The following OGFOD3 variants were observed in gnomAD, a reference collection of about 807,000 sequenced individuals.
OGFOD3 encodes 2-oxoglutarate and iron-dependent oxygenase domain-containing protein 3.
In OGFOD3, 35 loss-of-function variants were observed where a neutral mutation model predicts 39.8. The ratio of observed to expected loss-of-function variants is 0.88; its 90% CI spans 0.67 to 1.17. The LOEUF is 1.17. Ranked by LOEUF, OGFOD3 falls within the 50% of genes most tolerant of loss-of-function variation. The probability of loss-of-function intolerance (pLI) is 0.00; values close to 1 mark genes in which losing one functional copy is unlikely to be tolerated. For missense variants in OGFOD3, 438 were observed against 454.5 expected, an observed-to-expected ratio of 0.96 and a Z score of 0.33; for synonymous variants, 200 against 192.0, an observed-to-expected ratio of 1.04 and a Z score of -0.34.
At chr17:82,418,142 T>C (rs2053102546) in intron 1 of OGFOD3, among the ~76,000 whole-genome samples, 1 of 152,208 alleles carries the variant, frequency 6.6e-6, no homozygotes, top group Non-Finnish European at 1.5e-5. Context: ...CAGCAGCTCA[T>C]CAGGCTGGGA....
chr17:82,389,488 T>G lies in OGFOD3; in HGVS notation c.*2910A>C, dbSNP rs1244650526. Reference sequence around the variant, plus strand: ...GTATTTTCCCACCTTTTTATTTTTTTAAAATGCCCAGGCTTCAATGATAAA... The same window carrying G: ...GTATTTTCCCACCTTTTTATTTTTTGAAAATGCCCAGGCTTCAATGATAAA... On this transcript the variant is annotated 3_prime_UTR_variant, in exon 9 of 9. Coordinates refer to ENST00000313056, the MANE Select transcript of OGFOD3 (RefSeq NM_024648.3). The surrounding 1 kb of genome is among the most constrained non-coding windows in gnomAD (Gnocchi z 4.6). 6.6e-6 allele frequency: 1 copy of G among 152,188 alleles called. No homozygotes were observed. The highest frequency in any genetic ancestry group is 1.5e-5 in the Non-Finnish European group (1 of 68,042). The allele number at this position is 152,188 out of a possible 1,614,324, so 9.4% of individuals were successfully genotyped here.
chr17:82,414,514 A>G (rs539923881), intron 2 of OGFOD3, among the ~76,000 whole-genome samples: 1 of 152,310 alleles, frequency 6.6e-6, no homozygotes, highest in South Asian at 2.1e-4. Flanking sequence ...TTCAAAAAAG[A>G]GTTTTGGAAA....
At chr17:82,409,191 G>C (rs890878889) in intron 4 of OGFOD3, among the ~76,000 whole-genome samples, 177 bp downstream of exon 4, 1 of 152,210 alleles carries the variant, frequency 6.6e-6, no homozygotes, top group East Asian at 1.9e-4. Context: ...AGGGGACGCC[G>C]CACGGGTTTC....
At chr17:82,395,439 G>C (rs1464119148) in intron 8 of OGFOD3, among the ~76,000 whole-genome samples, 1 of 152,214 alleles carries the variant, frequency 6.6e-6, no homozygotes, top group Non-Finnish European at 1.5e-5. Context: ...TGGACCTAAA[G>C]GTGGTCTTGG....
intron 8 of OGFOD3, among the ~76,000 whole-genome samples, chr17:82,397,782 G>C (rs114980636): frequency 1.3e-5 from 2 of 152,120 alleles, no homozygotes; most frequent in Non-Finnish European, 2.9e-5. Context: ...AGCCACCAGC[G>C]AGGAGGGCAC....
intron 3 of OGFOD3, among the ~76,000 whole-genome samples, chr17:82,409,985 A>G (rs567451432): frequency 7.9e-5 from 12 of 152,368 alleles, no homozygotes; most frequent in African/African-American, 2.9e-4. Flanking sequence ...ACCTGGGCCA[A>G]GCTCAGGAGC....
In OGFOD3 at chr17:82,406,588, C is replaced by T. The variant is rs2052859788; in HGVS notation, c.424-106G>A. On this transcript the variant is annotated intron_variant, in intron 4 of 8. Transcript: ENST00000313056. The surrounding 1 kb of genome is among the most constrained non-coding windows in gnomAD (Gnocchi z 5.2). ...TTTCCAAGGTCTGGCCAGCACACAC[C>T]TCAGGTGTTTTTTTGTTTTTGTTTT... 2 of 934,462 alleles carry T rather than the reference C, an allele frequency of 2.1e-6. No individual in the cohort carries two copies. The highest frequency in any genetic ancestry group is 2.0e-5 in the Admixed American group (1 of 50,940). 57.9% of individuals were successfully genotyped at this position (934,462 alleles called of 1,614,324 possible).
At chr17:82,412,326 AGGGGCATGGTTATC>A (rs2052961444) in intron 2 of OGFOD3, among the ~76,000 whole-genome samples, 1 of 124,134 alleles carries the variant, frequency 8.1e-6, no homozygotes, top group Non-Finnish European at 1.7e-5. Flanking sequence ...CGGTCGGGGC[AGGGGCATGGTTATC>A]GGGGCAGGGG....
In OGFOD3 at chr17:82,409,416, G is replaced by C. The variant is rs749594027; in HGVS notation, c.381-6C>G. On this transcript the variant is annotated splice_region_variant and splice_polypyrimidine_tract_variant and intron_variant, in intron 3 of 8. Transcript: ENST00000313056. Reference sequence around the variant, plus strand: ...AGAGCCCCTTTTCAGCTACGCTGCAGGGAGAAAATAATTCAGAATTTCGTT... The same window carrying C: ...AGAGCCCCTTTTCAGCTACGCTGCACGGAGAAAATAATTCAGAATTTCGTT... 1.2e-6 allele frequency: 2 copies of C among 1,613,664 alleles called. No homozygotes were observed. The highest frequency in any genetic ancestry group is 4.5e-5 in the East Asian group (2 of 44,904).
chr17:82,414,433 G>T (rs939165309), intron 2 of OGFOD3, among the ~76,000 whole-genome samples: 1 of 152,148 alleles, frequency 6.6e-6, no homozygotes, highest in Non-Finnish European at 1.5e-5. Flanking sequence ...ACTGCTCCAG[G>T]CCATTGAAAC....
intron 1 of OGFOD3, among the ~76,000 whole-genome samples, chr17:82,416,766 G>GC (rs1409950315): frequency 1.3e-5 from 2 of 152,180 alleles, no homozygotes; most frequent in African/African-American, 4.8e-5. Context: ...TGCCTCCTGG[G>GC]CTCAAGCAAT....
At chr17:82,399,403 G>A (rs752135659) in intron 7 of OGFOD3, among the ~76,000 whole-genome samples, 27 of 152,100 alleles carry the variant, frequency 1.8e-4, no homozygotes, top group Non-Finnish European at 3.1e-4. Flanking sequence ...CGGTGGACGC[G>A]CTTTTCTCCT....
chr17:82,415,707 C>A lies in OGFOD3; in HGVS notation c.75-80G>T, dbSNP rs1041902332. On this transcript the variant is annotated intron_variant, in intron 1 of 8. Transcript: ENST00000313056. This position sits in a 1 kb window ranked among gnomAD's most constrained non-coding sequence, Gnocchi z 5.3. ...CGCTCCCCGATCATCAAAGTGCATGCACCATGACCCGGCCTTCACTCACAC... is the reference window on the plus strand; with the variant it reads ...CGCTCCCCGATCATCAAAGTGCATGAACCATGACCCGGCCTTCACTCACAC... 2.4e-6 allele frequency: 3 copies of A among 1,256,590 alleles called. No individual in the cohort carries two copies. Among genetic ancestry groups the A allele is most frequent in the Non-Finnish European group, 3.3e-6 (3 of 911,120 alleles). 77.8% of individuals were successfully genotyped at this position (1,256,590 alleles called of 1,614,324 possible). A position where few individuals can be genotyped will look rare whatever the true frequency, so the allele number is the denominator to read the frequency against.
rs376762128 is a variant in OGFOD3, at chr17:82,411,433, G to C, written c.380+22C>G. 1.3e-5 allele frequency: 21 copies of C among 1,609,088 alleles called. No homozygotes were observed. In the Admixed American group the frequency reaches 3.3e-4, roughly 26 times the overall value. On this transcript the variant is annotated intron_variant, in intron 3 of 8. Coordinates refer to ENST00000313056, the MANE Select transcript of OGFOD3 (RefSeq NM_024648.3). ...CGCGTGTGTTTGTTTGAATCCCACC[G>C]TGCTCAGGGACAGGCGGTTACCTGC...
intron 8 of OGFOD3, among the ~76,000 whole-genome samples, chr17:82,394,968 CT>C (rs2143184459): frequency 6.6e-6 from 1 of 152,350 alleles, no homozygotes; most frequent in Non-Finnish European, 1.5e-5. Flanking sequence ...CAGTGGGAAG[CT>C]CACACCTGGT....
At position 82,402,747 on chromosome 17, in the gene OGFOD3, T is replaced by TA. The variant is rs532884299; in HGVS notation, c.699+1189dup. Reference sequence around the variant, plus strand: ...GGGCATCAAGAGTGAAACTCCATCTTAAAAAAAAAAAAGAAAGAAAAGAAA... The same window carrying TA: ...GGGCATCAAGAGTGAAACTCCATCTTAAAAAAAAAAAAAGAAAGAAAAGAAA... On this transcript the variant is annotated intron_variant, in intron 7 of 8. Coordinates refer to ENST00000313056, the MANE Select transcript of OGFOD3 (RefSeq NM_024648.3). Among the ~76,000 whole-genome samples the TA allele has an allele frequency of 3.9e-3, 498 of 128,146 alleles. 7 individuals are homozygous for TA. Among genetic ancestry groups the TA allele is most frequent in the Non-Finnish European group, 4.8e-3 (285 of 59,996 alleles). The allele number at this position is 128,146 out of a possible 152,430, so 84.1% of individuals were successfully genotyped here. A position where few individuals can be genotyped will look rare whatever the true frequency, so the allele number is the denominator to read the frequency against.
chr17:82,405,066 G>A (rs569316080), intron 6 of OGFOD3, among the ~76,000 whole-genome samples: 55 of 152,276 alleles, frequency 3.6e-4, no homozygotes, highest in Non-Finnish European at 3.4e-4. Context: ...TTAAAACTGG[G>A]CTGATTTTAC....
chr17:82,405,252 G>C, intron 6 of OGFOD3, 72 bp downstream of exon 6: 2 of 1,370,210 alleles, frequency 1.5e-6, no homozygotes, highest in Non-Finnish European at 2.1e-6. Flanking sequence ...CCCCGGACCG[G>C]CCAGCTCTGC....
At position 82,399,847 on chromosome 17, in the gene OGFOD3, G is replaced by A. The variant is rs147162462; in HGVS notation, c.700-1528C>T. 9.8e-4 allele frequency among the ~76,000 whole-genome samples: 150 copies of A among 152,288 alleles called. No individual in the cohort carries two copies. In the Middle Eastern group the frequency reaches 0.014, roughly 14 times the overall value. ...GGACACCAGCTGCAAAGGGGAGGGCGCATCTCACCCAGCTCAGCTGTCATA... is the reference window on the plus strand; with the variant it reads ...GGACACCAGCTGCAAAGGGGAGGGCACATCTCACCCAGCTCAGCTGTCATA... On this transcript the variant is annotated intron_variant, in intron 7 of 8. Coordinates refer to ENST00000313056, the MANE Select transcript of OGFOD3 (RefSeq NM_024648.3).
Sources: allele counts gnomAD v4.1 joint callset (sites outside exome capture counted in the v4.1 genomes callset), GRCh38; gene constraint gnomAD v4.1.1; non-coding constraint Gnocchi (gnomAD v3.1); transcripts MANE v1.5; gene names NCBI Gene and HGNC (gene_info 2026-07-23, HGNC 2026-07-21).